Variants in NCOA5 observed in about 807,000 individuals in gnomAD.
The protein encoded by NCOA5 is NCoA-5.
A neutral mutation model predicts 59.0 loss-of-function variants in NCOA5; 12 were observed. That is an observed-to-expected ratio of 0.20 (90% CI 0.13 to 0.33). The LOEUF (loss-of-function observed/expected upper bound fraction) is 0.33. NCOA5 is among the 10% of genes least tolerant of loss of function. The pLI is 1.00. For missense variants in NCOA5, 655 were observed against 766.6 expected, an observed-to-expected ratio of 0.85 and a Z score of 1.72; for synonymous variants, 270 against 275.5, an observed-to-expected ratio of 0.98 and a Z score of 0.20.
At chr20:46,068,976 AT>A (rs199693928) in intron 3 of NCOA5, among the ~76,000 whole-genome samples, 20 of 149,738 alleles carry the variant, frequency 1.3e-4, no homozygotes, top group Admixed American at 2.0e-4. Context: ...TATTATTATT[AT>A]TTTTTTTTTA....
intron 5 of NCOA5, among the ~76,000 whole-genome samples, chr20:46,065,947 T>C (rs1185575522): frequency 2.0e-5 from 3 of 152,310 alleles, no homozygotes; most frequent in East Asian, 1.9e-4. Flanking sequence ...GCACCTAGTA[T>C]GGGGTAGTAC....
Position 46,079,451 on chromosome 20 carries a change from TA to T in NCOA5, c.-28del. 6.2e-7 allele frequency: 1 copy of T among 1,612,282 alleles called. No individual in the cohort carries two copies. The highest frequency in any genetic ancestry group is 1.3e-5 in the African/African-American group (1 of 74,996). ...TTTCTTCTTTCCGCTGCCTTATTAA[TA>T]TCTGAAAAGAATAATCAACCCATCT... On this transcript the variant is annotated splice_region_variant and 5_prime_UTR_variant, in exon 2 of 8. Transcript: ENST00000290231.
chr20:46,087,764 A>C (rs1241367128), intron 1 of NCOA5, among the ~76,000 whole-genome samples: 1 of 152,158 alleles, frequency 6.6e-6, no homozygotes, highest in East Asian at 1.9e-4. Flanking sequence ...AAACAAAACC[A>C]AAACAAACAA....
Position 46,062,686 on chromosome 20 carries a change from A to G in NCOA5, c.1354T>C (p.Ser452Pro), listed in dbSNP as rs1210281038. 6.2e-7 allele frequency: 1 copy of G among 1,613,898 alleles called. No homozygotes were observed. The highest frequency in any genetic ancestry group is 8.5e-7 in the Non-Finnish European group (1 of 1,179,936). The change falls in exon 8 of 8, where the codon TCC becomes CCC. Residue 452 changes from serine to proline, a missense_variant. By Grantham distance (74) the Ser-to-Pro change is moderately conservative (BLOSUM62 -1). Coordinates refer to ENST00000290231, the MANE Select transcript of NCOA5 (RefSeq NM_020967.3). ...GTVTANSSSA[S>P]PSVAAGNTPN... The stretch of plus-strand genomic sequence containing the variant: ...GTGTTTCCGGCAGCAACCGAGGGGG[A>G]TGCAGAGCTGCTATTGGCCGTCACT...
intron 1 of NCOA5, among the ~76,000 whole-genome samples, chr20:46,084,008 A>G (rs1315615787): frequency 6.6e-6 from 1 of 152,236 alleles, no homozygotes; most frequent in East Asian, 1.9e-4. Context: ...TCCAACTAAA[A>G]TAATTATTAC....
rs116067001 is a variant in NCOA5 at position 46,079,556 on chromosome 20, C to A, written c.-29-103G>T. The A allele has an allele frequency of 7.7e-4, 729 of 950,042 alleles. 7 individuals are homozygous for A. The African/African-American group carries it at 0.011, about 14-fold the overall frequency. 58.9% of individuals were successfully genotyped at this position (950,042 alleles called of 1,614,324 possible). A position where few individuals can be genotyped will look rare whatever the true frequency, so the allele number is the denominator to read the frequency against. ...ACAACAACAAAAACTACAATGACAA[C>A]CAGATGGTGTAAGAAAAGCCATTCA... On this transcript the variant is annotated intron_variant, in intron 1 of 7. Transcript: ENST00000290231.
At chr20:46,079,263 T>C in intron 2 of NCOA5, 124 bp downstream of exon 2, 1 of 889,180 alleles carries the variant, frequency 1.1e-6, no homozygotes, top group Admixed American at 1.9e-5. Context: ...GGGTTCATGT[T>C]CTTATTGTTT....
rs1293119295 is a variant in NCOA5 at position 46,079,823 on chromosome 20, T to TG, written c.-29-371dup. On this transcript the variant is annotated intron_variant, in intron 1 of 7. Transcript: ENST00000290231. Reference sequence around the variant, plus strand: ...AAGATTCTTTTTGTGAGGAAGAAAGTGGGGGGGAAGATAAGGAGAGTTTAA... The same window carrying TG: ...AAGATTCTTTTTGTGAGGAAGAAAGTGGGGGGGGAAGATAAGGAGAGTTTAA... Among the ~76,000 whole-genome samples the TG allele has an allele frequency of 4.6e-5, 7 of 152,132 alleles. No individual in the cohort carries two copies. In the East Asian group the frequency reaches 9.6e-4, roughly 21 times the overall value.
chr20:46,086,840 A>G (rs1263385072), intron 1 of NCOA5, among the ~76,000 whole-genome samples: 1 of 152,196 alleles, frequency 6.6e-6, no homozygotes, highest in East Asian at 1.9e-4. Context: ...AGAGGATAGC[A>G]GGAGAAAGGC....
Position 46,062,677 on chromosome 20 carries a change from C to T in NCOA5, c.1363G>A (p.Val455Ile). Reference protein sequence around the residue: ...TANSSSASPSVAAGNTPNQNF... With the variant: ...TANSSSASPSIAAGNTPNQNF... ...TGGTTTGGGGTGTTTCCGGCAGCAA[C>T]CGAGGGGGATGCAGAGCTGCTATTG... Residue 455 changes from valine (V) to isoleucine (I), a missense_variant, in exon 8 of 8, where the codon GTT becomes ATT. Transcript: ENST00000290231. 1 of 1,614,130 alleles carries T rather than the reference C, an allele frequency of 6.2e-7. No homozygotes were observed. Among genetic ancestry groups the T allele is most frequent in the Non-Finnish European group, 8.5e-7 (1 of 1,180,026 alleles).
chr20:46,066,098 T>C (rs1362573567), intron 5 of NCOA5, among the ~76,000 whole-genome samples: 3 of 152,140 alleles, frequency 2.0e-5, no homozygotes, highest in Non-Finnish European at 2.9e-5. Flanking sequence ...CAACACCTAT[T>C]TCCCTAGTCA....
chr20:46,073,061 G>C (rs1438297843), intron 2 of NCOA5, among the ~76,000 whole-genome samples: 1 of 152,172 alleles, frequency 6.6e-6, no homozygotes, highest in Non-Finnish European at 1.5e-5. Context: ...AAGTTCTCTT[G>C]AAGGCTTTGT....
intron 1 of NCOA5, among the ~76,000 whole-genome samples, chr20:46,085,978 G>C (rs1209293669): frequency 6.6e-6 from 1 of 152,030 alleles, no homozygotes; most frequent in African/African-American, 2.4e-5. Context: ...AATTGAAAAA[G>C]TCATGATTTT....
At chr20:46,081,892 A>T (rs776025192) in intron 1 of NCOA5, among the ~76,000 whole-genome samples, 1 of 152,128 alleles carries the variant, frequency 6.6e-6, no homozygotes, top group Non-Finnish European at 1.5e-5. Context: ...CACCCAAAAA[A>T]TCCTAACACA....
Position 46,061,330 on chromosome 20 carries a change from A to G in NCOA5, c.*970T>C, listed in dbSNP as rs892613576. On this transcript the variant is annotated 3_prime_UTR_variant, in exon 8 of 8. Transcript: ENST00000290231. ...TTTCACTCTGGTACAAAAGTCGCGA[A>G]CAGCCACCCATCTCGAGAACATGTC... 5 of 152,716 alleles carry G rather than the reference A, an allele frequency of 3.3e-5. No individual in the cohort carries two copies. Among genetic ancestry groups the G allele is most frequent in the African/African-American group, 1.2e-4 (5 of 41,466 alleles). The allele number at this position is 152,716 out of a possible 1,614,324, so 9.5% of individuals were successfully genotyped here. A position where few individuals can be genotyped will look rare whatever the true frequency, so the allele number is the denominator to read the frequency against.
chr20:46,065,252 G>C (rs1362426731), intron 5 of NCOA5, 24 bp from the exon 6 acceptor site: 2 of 1,612,352 alleles, frequency 1.2e-6, no homozygotes, highest in African/African-American at 1.3e-5. Context: ...TAAGATCCAG[G>C]TGAGCGACCA....
intron 2 of NCOA5, among the ~76,000 whole-genome samples, chr20:46,075,568 G>T (rs543335130): frequency 1.3e-5 from 2 of 152,334 alleles, no homozygotes; most frequent in South Asian, 4.1e-4. Context: ...TCTGCAGAGC[G>T]TTGGATGCAG....
Position 46,062,319 on chromosome 20 carries a change from G to C in NCOA5, c.1721C>G (p.Ser574Cys), listed in dbSNP as rs973544574. Residue 574 changes from serine to cysteine, a missense_variant, in exon 8 of 8, where the codon TCT (serine) becomes TGT (cysteine). Coordinates refer to ENST00000290231, the MANE Select transcript of NCOA5 (RefSeq NM_020967.3). ...TTAGCTTCAGTAATGCCTCTGGTAA[G>C]ATCCCATGGGGGCCTGTGGCTGCCC... ...QMGQPQAPMG[S>C]YQRHY The C allele has an allele frequency of 1.2e-6, 2 of 1,613,446 alleles. No homozygotes were observed. Among genetic ancestry groups the C allele is most frequent in the African/African-American group, 2.7e-5 (2 of 74,900 alleles).
intron 1 of NCOA5, among the ~76,000 whole-genome samples, chr20:46,084,829 A>G (rs1222591107): frequency 6.6e-6 from 1 of 152,252 alleles, no homozygotes; most frequent in Non-Finnish European, 1.5e-5. Flanking sequence ...AGCTGCTTAA[A>G]ATTTTAAAAT....
Sources: gnomAD v4.1 joint callset for allele counts (sites outside exome capture counted in the v4.1 genomes callset) on GRCh38, gnomAD v4.1.1 for gene constraint, MANE v1.5 for transcripts, NCBI Gene and HGNC (gene_info 2026-07-23, HGNC 2026-07-21) for gene names.